The following ESF1 variants were observed in gnomAD, a reference collection of about 807,000 sequenced individuals.
ESF1 encodes the protein ESF1 nucleolar pre-rRNA processing protein.
Under a neutral mutation model 92.0 loss-of-function variants are expected in ESF1, and 58 were observed. The ratio of observed to expected loss-of-function variants is 0.63; its 90% CI spans 0.51 to 0.78. The LOEUF is 0.78. Among genes scored for constraint, ESF1 ranks in the 30% least tolerant of loss-of-function variants. The pLI is 0.00. For missense variants in ESF1, 922 were observed against 989.1 expected, an observed-to-expected ratio of 0.93 and a Z score of 0.91; for synonymous variants, 321 against 313.7, an observed-to-expected ratio of 1.02 and a Z score of -0.24.
At chr20:13,759,098 C>T (rs187658669) in intron 9 of ESF1, among the ~76,000 whole-genome samples, 1 of 152,284 alleles carries the variant, frequency 6.6e-6, no homozygotes, top group Admixed American at 6.5e-5. Flanking sequence ...TTGTACTATA[C>T]TGGGTAACAA....
chr20:13,766,953 A>G lies in ESF1; in HGVS notation c.1519-29T>C, dbSNP rs367555791. The G allele has an allele frequency of 1.1e-5, 18 of 1,600,826 alleles. No individual in the cohort carries two copies. In the African/African-American group the frequency reaches 2.0e-4, roughly 18 times the overall value. ...TCACCAACAAATAAGAAAAAATAAC[A>G]CACGAAAATGGAAATGTCAGCTCAA... On this transcript the variant is annotated intron_variant, in intron 7 of 13. Coordinates refer to ENST00000617257, the MANE Select transcript of ESF1 (RefSeq NM_001276380.2).
intron 9 of ESF1, among the ~76,000 whole-genome samples, chr20:13,752,648 A>G (rs1978691569): frequency 6.6e-6 from 1 of 152,214 alleles, no homozygotes; most frequent in African/African-American, 2.4e-5. Flanking sequence ...ATTCAAAAAC[A>G]TTTTTACTTC....
At chr20:13,758,930 A>G (rs1054917819) in intron 9 of ESF1, among the ~76,000 whole-genome samples, 7 of 152,222 alleles carry the variant, frequency 4.6e-5, no homozygotes, top group Non-Finnish European at 8.8e-5. Flanking sequence ...TATAGCTAGT[A>G]TGTTTTTTCC....
chr20:13,772,560 G>A lies in ESF1; in HGVS notation c.1205C>T (p.Pro402Leu). ...TTCAGGAATACTTAATAGCTCTACT[G>A]GTCCTTGAACTTGCTCTTCCTTCAT... is the stretch of plus-strand genomic sequence containing the variant. ...ERMKEEQVQG[P>L]VELLSIPEDA... The change falls in exon 5 of 14, where the codon CCA (proline) becomes CTA (leucine). Residue 402 changes from proline to leucine, a missense_variant. Coordinates refer to ENST00000617257, the MANE Select transcript of ESF1 (RefSeq NM_001276380.2). 2 of 1,612,962 alleles carry A rather than the reference G, an allele frequency of 1.2e-6. No individual in the cohort carries two copies. The highest frequency in any genetic ancestry group is 1.7e-6 in the Non-Finnish European group (2 of 1,179,498).
chr20:13,719,684 A>G (rs762596472), intron 11 of ESF1, among the ~76,000 whole-genome samples: 2 of 152,018 alleles, frequency 1.3e-5, no homozygotes, highest in Non-Finnish European at 2.9e-5. Context: ...AAGAACCCCT[A>G]TGAGAAAATA....
intron 1 of ESF1, among the ~76,000 whole-genome samples, chr20:13,784,379 G>C (rs1012440543): frequency 6.6e-6 from 1 of 151,356 alleles, no homozygotes; most frequent in African/African-American, 2.4e-5. Flanking sequence ...AGCTATCGCT[G>C]GTGCATTTAC....
intron 11 of ESF1, among the ~76,000 whole-genome samples, chr20:13,725,202 G>A (rs1031462971): frequency 6.6e-6 from 1 of 152,168 alleles, no homozygotes; most frequent in African/African-American, 2.4e-5. Flanking sequence ...TGAACAAACA[G>A]TATAAATCCA....
chr20:13,784,489 G>A (rs1980539346), intron 1 of ESF1, among the ~76,000 whole-genome samples: 1 of 152,172 alleles, frequency 6.6e-6, no homozygotes, highest in South Asian at 2.1e-4. Context: ...TAAATGTTTA[G>A]AAGGAAAGCA....
chr20:13,766,761 G>A lies in ESF1; in HGVS notation c.1666+16C>T. The A allele has an allele frequency of 1.2e-6, 2 of 1,611,372 alleles. No homozygotes were observed. On this transcript the variant is annotated intron_variant, in intron 8 of 13. Coordinates refer to ENST00000617257, the MANE Select transcript of ESF1 (RefSeq NM_001276380.2). ...AGACCTATGTCCATTAATGGTCACT[G>A]AAAGATTAACAATACCTTGTAGCTC...
intron 9 of ESF1, among the ~76,000 whole-genome samples, chr20:13,754,269 T>C (rs556605296): frequency 6.6e-6 from 1 of 152,294 alleles, no homozygotes; most frequent in South Asian, 2.1e-4. Context: ...GCCTTCTTTA[T>C]TGGCAGGCTG....
chr20:13,759,893 C>A (rs746872170), intron 8 of ESF1, 40 bp from the exon 9 acceptor site: 145 of 1,550,952 alleles, frequency 9.3e-5, no homozygotes, highest in Non-Finnish European at 7.9e-5. Context: ...AGAAACAATT[C>A]ATTTCTAACT....
At chr20:13,768,121 T>G (rs547470569) in intron 7 of ESF1, among the ~76,000 whole-genome samples, 150 of 152,346 alleles carry the variant, frequency 9.8e-4, no homozygotes, top group African/African-American at 3.4e-3. Context: ...CTTTGCTTAC[T>G]ATGTAATGGT....
At chr20:13,760,664 G>C (rs1033769826) in intron 8 of ESF1, among the ~76,000 whole-genome samples, 46 of 151,406 alleles carry the variant, frequency 3.0e-4, no homozygotes, top group African/African-American at 1.0e-3. Flanking sequence ...GGAGGGAGGC[G>C]GGGGGTCAGC....
Position 13,715,161 on chromosome 20 carries a change from C to T in ESF1, c.2269G>A (p.Val757Ile). 1 of 1,464,226 alleles carries T rather than the reference C, an allele frequency of 6.8e-7. No homozygotes were observed. The highest frequency in any genetic ancestry group is 9.1e-7 in the Non-Finnish European group (1 of 1,102,032). 90.7% of individuals were successfully genotyped at this position (1,464,226 alleles called of 1,614,324 possible). Residue 757 changes from valine (V) to isoleucine (I), a missense_variant, in exon 14 of 14, where the codon GTT (valine) becomes ATT (isoleucine). Coordinates refer to ENST00000617257, the MANE Select transcript of ESF1 (RefSeq NM_001276380.2). ...ATTGCCTGAAACCGTGCATCGTTAA[C>T]ATTTACCTGCAAATCCAAAAAAAAA... Reference protein sequence around the residue: ...ELIEDDFEVNVNDARFQAMYT... With the variant: ...ELIEDDFEVNINDARFQAMYT...
In ESF1 at chr20:13,751,816, G is replaced by A. The variant is rs1978648690; in HGVS notation, c.1828+7876C>T. Among the ~76,000 whole-genome samples, 3 of 152,086 alleles carry A rather than the reference G, an allele frequency of 2.0e-5. No individual in the cohort carries two copies. In the South Asian group the frequency reaches 6.2e-4, roughly 32 times the overall value. On this transcript the variant is annotated intron_variant, in intron 9 of 13. Transcript: ENST00000617257. ...CAAGAGATCGGCCAGCCAACATGGTGAAACCCTGTCTCTACAAAAAATACA... is the reference window on the plus strand; with the variant it reads ...CAAGAGATCGGCCAGCCAACATGGTAAAACCCTGTCTCTACAAAAAATACA...
At chr20:13,782,458 A>C in intron 2 of ESF1, 46 bp downstream of exon 2, 1 of 1,441,928 alleles carries the variant, frequency 6.9e-7, no homozygotes, top group Non-Finnish European at 9.1e-7. Flanking sequence ...TCAGTATAAA[A>C]ATAAATAATG....
chr20:13,777,273 T>A (rs1362641817), intron 2 of ESF1, among the ~76,000 whole-genome samples: 1 of 152,214 alleles, frequency 6.6e-6, no homozygotes, highest in Non-Finnish European at 1.5e-5. Flanking sequence ...ACTGGAGATT[T>A]GACACGGGGA....
At chr20:13,720,297 G>A (rs2049858762) in intron 11 of ESF1, among the ~76,000 whole-genome samples, 1 of 152,008 alleles carries the variant, frequency 6.6e-6, no homozygotes. Context: ...ACCCACTCAA[G>A]CCTTTTGTTT....
chr20:13,721,031 G>A (rs2049864620), intron 11 of ESF1, among the ~76,000 whole-genome samples: 1 of 152,168 alleles, frequency 6.6e-6, no homozygotes, highest in African/African-American at 2.4e-5. Context: ...GCTGAGGCGG[G>A]AGAATTGCTT....
Sources: allele counts gnomAD v4.1 joint callset (sites outside exome capture counted in the v4.1 genomes callset), GRCh38; gene constraint gnomAD v4.1.1; transcripts MANE v1.5; gene names NCBI Gene and HGNC (gene_info 2026-07-23, HGNC 2026-07-21).